Variants in GTPBP10 observed in about 807,000 individuals in gnomAD.
GTPBP10 encodes GTP binding protein 10, also known as GTP-binding protein 10.
A neutral mutation model predicts 44.8 loss-of-function variants in GTPBP10; 38 were observed. The ratio of observed to expected loss-of-function variants is 0.85; its 90% confidence interval spans 0.65 to 1.11. The LOEUF (loss-of-function observed/expected upper bound fraction) is 1.11, where lower values mean the gene tolerates loss of function less well. GTPBP10 is among the 50% of genes most tolerant of loss of function. The pLI, the probability that GTPBP10 is intolerant of heterozygous loss-of-function variation, is 0.00. For synonymous variants in GTPBP10, 152 were observed against 150.6 expected (o/e 1.01, Z -0.07); for missense variants, 462 against 453.7 (o/e 1.02, Z -0.17).
chr7:90,370,753 C>A (rs1584640922), intron 4 of GTPBP10, among the ~76,000 whole-genome samples: 1 of 152,134 alleles, frequency 6.6e-6, no homozygotes. Context: ...CACCTGTAAT[C>A]CCAGCACTCT....
chr7:90,354,730 A>G (rs961348857), intron 3 of GTPBP10, among the ~76,000 whole-genome samples, 181 bp downstream of exon 3: 6 of 152,164 alleles, frequency 3.9e-5, no homozygotes, highest in African/African-American at 1.4e-4. Context: ...AGATTGTTTT[A>G]AAGATGTTAC....
At chr7:90,376,570 A>G (rs12539975) in intron 6 of GTPBP10, among the ~76,000 whole-genome samples, 16,154 of 152,264 alleles carry the variant, frequency 0.11, 1,069 homozygotes, top group Non-Finnish European at 0.15. Context: ...AGTATAAACA[A>G]TAATGACCTA....
intron 4 of GTPBP10, among the ~76,000 whole-genome samples, chr7:90,355,599 C>T (rs1236356387): frequency 2.0e-5 from 3 of 151,930 alleles, no homozygotes; most frequent in Non-Finnish European, 4.4e-5. Flanking sequence ...AGGAAATAAA[C>T]AGGGAAAAAT....
chr7:90,353,279 C>T (rs953336057), intron 2 of GTPBP10: 2 of 261,992 alleles, frequency 7.6e-6, no homozygotes, highest in African/African-American at 4.4e-5. Flanking sequence ...TATCTGAATT[C>T]CCACTGTTTT....
In GTPBP10 at chr7:90,355,229, G is replaced by T; in HGVS notation, c.463G>T (p.Gly155Ter). Residue 155 changes from glycine (G) to a stop codon, truncating the protein, a stop_gained and splice_region_variant, in exon 4 of 10, where the codon GGA (glycine) becomes TGA (stop). Coordinates refer to ENST00000222511, the MANE Select transcript of GTPBP10 (RefSeq NM_033107.4). LOFTEE classifies it high-confidence loss of function. ...LKLIADVGLV[G>*]FPNAGKSSLL... ...ACTTATAGCTGATGTAGGCCTAGTAGGGTAAGTATCGTTCATATTTTTATT... is the reference window on the plus strand; with the variant it reads ...ACTTATAGCTGATGTAGGCCTAGTATGGTAAGTATCGTTCATATTTTTATT... The T allele has an allele frequency of 6.5e-7, 1 of 1,546,776 alleles. No individual in the cohort carries two copies. The highest frequency in any genetic ancestry group is 2.4e-5 in the East Asian group (1 of 42,450).
At chr7:90,358,168 C>T (rs535579907) in intron 4 of GTPBP10, among the ~76,000 whole-genome samples, 172 of 152,258 alleles carry the variant, frequency 1.1e-3, no homozygotes, top group Non-Finnish European at 1.8e-3. Context: ...AAATCAAGAA[C>T]TCAATCCCTT....
At position 90,385,452 on chromosome 7, in the gene GTPBP10, A is replaced by C. The variant is rs1297651931; in HGVS notation, c.*298A>C. 4.8e-6 allele frequency: 1 copy of C among 206,310 alleles called. No individual in the cohort carries two copies. Among genetic ancestry groups the C allele is most frequent in the East Asian group, 1.1e-4 (1 of 9,126 alleles). The allele number at this position is 206,310 out of a possible 1,614,324, so 12.8% of individuals were successfully genotyped here. On this transcript the variant is annotated 3_prime_UTR_variant, in exon 10 of 10. Transcript: ENST00000222511. ...ATCTGTTGTACAGCTTGGTGACTGT[A>C]ATTAACAACAATGTATTTTGAAAGT...
At position 90,372,482 on chromosome 7, in the gene GTPBP10, C is replaced by CTTTTTTTTTTTTTT. The variant is rs757973599; in HGVS notation, c.538+256_538+269dup. 3.1e-3 allele frequency among the ~76,000 whole-genome samples: 345 copies of CTTTTTTTTTTTTTT among 112,074 alleles called. 15 individuals are homozygous for CTTTTTTTTTTTTTT. Among genetic ancestry groups the CTTTTTTTTTTTTTT allele is most frequent in the African/African-American group, 0.01 (264 of 25,198 alleles). 73.5% of individuals were successfully genotyped at this position (112,074 alleles called of 152,430 possible). A position where few individuals can be genotyped will look rare whatever the true frequency, so the allele number is the denominator to read the frequency against. Reference sequence around the variant, plus strand: ...GGTATGTGCCACCATGCTTGGCTAACTTTTTTTTTTTTTTTGTGGGGACAG... The same window carrying CTTTTTTTTTTTTTT: ...GGTATGTGCCACCATGCTTGGCTAACTTTTTTTTTTTTTTTTTTTTTTTTTTTTTGTGGGGACAG... On this transcript the variant is annotated intron_variant, in intron 5 of 9. Transcript: ENST00000222511.
chr7:90,347,487 AT>A (rs571439279), intron 1 of GTPBP10: 153 of 338,740 alleles, frequency 4.5e-4, no homozygotes, highest in African/African-American at 3.3e-3. Context: ...AATGGTCAAT[AT>A]TTCAACTTTC....
At chr7:90,380,310 C>G (rs766687313) in intron 8 of GTPBP10, among the ~76,000 whole-genome samples, 1 of 152,108 alleles carries the variant, frequency 6.6e-6, no homozygotes, top group African/African-American at 2.4e-5. Flanking sequence ...AACTCCTGAC[C>G]TCAGGTGATC....
chr7:90,377,372 G>A lies in GTPBP10; in HGVS notation c.592-135G>A, dbSNP rs978299954. Reference sequence around the variant, plus strand: ...TACATTAATTTTACTCTTATACTTGGCTTTTCAAAGATGTAGTGGTAATCA... The same window carrying A: ...TACATTAATTTTACTCTTATACTTGACTTTTCAAAGATGTAGTGGTAATCA... On this transcript the variant is annotated intron_variant, in intron 6 of 9. Coordinates refer to ENST00000222511, the MANE Select transcript of GTPBP10 (RefSeq NM_033107.4). 5.7e-6 allele frequency: 3 copies of A among 522,692 alleles called. No individual in the cohort carries two copies. The African/African-American group carries it at 5.8e-5, about 10-fold the overall frequency. The allele number at this position is 522,692 out of a possible 1,614,324, so 32.4% of individuals were successfully genotyped here. A position where few individuals can be genotyped will look rare whatever the true frequency, so the allele number is the denominator to read the frequency against.
At chr7:90,382,858 T>TC in intron 8 of GTPBP10, 98 bp from the exon 9 acceptor site, 1 of 705,962 alleles carries the variant, frequency 1.4e-6, no homozygotes. Context: ...TTCGGTGATG[T>TC]GAATGGGTTT....
intron 4 of GTPBP10, among the ~76,000 whole-genome samples, chr7:90,368,256 G>T (rs1190427586): frequency 2.0e-5 from 3 of 152,054 alleles, no homozygotes; most frequent in African/African-American, 7.2e-5. Flanking sequence ...ACAATTATGT[G>T]TCTTGCGGTT....
At chr7:90,370,500 A>G (rs767817158) in intron 4 of GTPBP10, among the ~76,000 whole-genome samples, 1 of 152,098 alleles carries the variant, frequency 6.6e-6, no homozygotes, top group African/African-American at 2.4e-5. Flanking sequence ...CTGTGCGTAC[A>G]CAGAGGCATG....
chr7:90,367,874 G>A (rs1462872764), intron 4 of GTPBP10, among the ~76,000 whole-genome samples: 2 of 152,118 alleles, frequency 1.3e-5, no homozygotes, highest in African/African-American at 4.8e-5. Flanking sequence ...TCTTCATAGC[G>A]TCAATGGTGT....
chr7:90,381,516 A>G (rs1186313567), intron 8 of GTPBP10, among the ~76,000 whole-genome samples: 4 of 152,234 alleles, frequency 2.6e-5, no homozygotes, highest in Admixed American at 2.6e-4. Flanking sequence ...AGCACAATCC[A>G]TATCAAAATT....
chr7:90,353,513 GT>G (rs1304004626), intron 2 of GTPBP10, among the ~76,000 whole-genome samples: 1 of 152,068 alleles, frequency 6.6e-6, no homozygotes, highest in African/African-American at 2.4e-5. Flanking sequence ...TTTTTCACAT[GT>G]CAAAATTATT....
In GTPBP10 at chr7:90,389,234, T is replaced by C. The variant is rs1403814620; in HGVS notation, c.*4080T>C. 6.6e-6 allele frequency: 1 copy of C among 152,204 alleles called. No homozygotes were observed. The highest frequency in any genetic ancestry group is 1.5e-5 in the Non-Finnish European group (1 of 68,044). 9.4% of individuals were successfully genotyped at this position (152,204 alleles called of 1,614,324 possible). A position where few individuals can be genotyped will look rare whatever the true frequency, so the allele number is the denominator to read the frequency against. ...GTAATCATATCTAAAGTGGTAATGT[T>C]ACCATATGCTGGGTACTGGGCTGAG... On this transcript the variant is annotated 3_prime_UTR_variant, in exon 10 of 10. Coordinates refer to ENST00000222511, the MANE Select transcript of GTPBP10 (RefSeq NM_033107.4).
At chr7:90,373,091 T>C (rs999980864) in intron 5 of GTPBP10, among the ~76,000 whole-genome samples, 2 of 152,256 alleles carry the variant, frequency 1.3e-5, no homozygotes, top group African/African-American at 4.8e-5. Context: ...GGAAATAGTA[T>C]GTACACAAAG....
Sources: gnomAD v4.1 joint callset for allele counts (sites outside exome capture counted in the v4.1 genomes callset) on GRCh38, gnomAD v4.1.1 for gene constraint, MANE v1.5 for transcripts, NCBI Gene and HGNC (gene_info 2026-07-23, HGNC 2026-07-21) for gene names.